Variants in MAML3 observed in about 807,000 individuals in gnomAD.
MAML3 encodes the protein mastermind like transcriptional coactivator 3, also known as mastermind-like protein 3.
MAML3 carries 27 observed loss-of-function variants against 101.9 expected under a neutral mutation model. The observed-to-expected ratio is 0.27, with a 90% CI of 0.20 to 0.37. MAML3 has a LOEUF of 0.37. MAML3 is among the 10% of genes least tolerant of loss of function. MAML3 has a pLI of 1.00. For synonymous variants in MAML3, 501 were observed against 555.9 expected (o/e 0.90, Z 1.39); for missense variants, 1,316 against 1,444.9 (o/e 0.91, Z 1.45).
At chr4:140,008,041 CT>C (rs1726486205) in intron 1 of MAML3, among the ~76,000 whole-genome samples, 1 of 152,214 alleles carries the variant, frequency 6.6e-6, no homozygotes. Flanking sequence ...TTACCCTAGG[CT>C]AGTCCCAGAG....
intron 2 of MAML3, among the ~76,000 whole-genome samples, chr4:139,741,553 A>G (rs1729165535): frequency 6.6e-6 from 1 of 152,060 alleles, no homozygotes; most frequent in Non-Finnish European, 1.5e-5. Context: ...GTTCAGGACC[A>G]GCCTGGGCAA....
chr4:139,997,327 T>A (rs1734836785), intron 1 of MAML3, among the ~76,000 whole-genome samples: 1 of 151,902 alleles, frequency 6.6e-6, no homozygotes, highest in Admixed American at 6.6e-5. Context: ...ATTTTTGAGT[T>A]ATTTTCTTCA....
At chr4:139,884,785 T>C (rs762056413) in intron 2 of MAML3, among the ~76,000 whole-genome samples, 38 of 152,254 alleles carry the variant, frequency 2.5e-4, no homozygotes, top group Non-Finnish European at 5.3e-4. Flanking sequence ...TAATGCTTTC[T>C]CCATTGGAGC....
intron 1 of MAML3, among the ~76,000 whole-genome samples, chr4:140,064,639 T>A (rs145397449): frequency 2.6e-4 from 40 of 152,182 alleles, no homozygotes; most frequent in Non-Finnish European, 5.3e-4. Flanking sequence ...AAAACTTGAG[T>A]CCCTTTTGAC....
At chr4:139,887,087 T>C (rs1290806525) in intron 2 of MAML3, among the ~76,000 whole-genome samples, 1 of 152,238 alleles carries the variant, frequency 6.6e-6, no homozygotes, top group African/African-American at 2.4e-5. Context: ...TGTATAATTA[T>C]ATTTTATATC....
intron 1 of MAML3, among the ~76,000 whole-genome samples, chr4:140,007,342 C>T (rs1440318225): frequency 6.6e-6 from 1 of 152,172 alleles, no homozygotes; most frequent in Non-Finnish European, 1.5e-5. Flanking sequence ...CAAAACAAAA[C>T]ACTGGGCTGG....
intron 2 of MAML3, among the ~76,000 whole-genome samples, chr4:139,747,296 G>A (rs1216311699): frequency 6.6e-6 from 1 of 152,200 alleles, no homozygotes; most frequent in African/African-American, 2.4e-5. Flanking sequence ...AGTGCAGAGC[G>A]CGGGCAACTT....
chr4:139,902,017 T>G (rs9884961), intron 1 of MAML3, among the ~76,000 whole-genome samples: 127,703 of 152,124 alleles, frequency 0.84, 54,121 homozygotes, highest in South Asian at 0.92. Flanking sequence ...TAAAATCCCA[T>G]CACATGTTTA....
intron 1 of MAML3, among the ~76,000 whole-genome samples, chr4:140,086,144 G>GTACATA (rs1727947386): frequency 1.3e-5 from 2 of 152,156 alleles, no homozygotes; most frequent in Admixed American, 1.3e-4. Context: ...GGATCTCTCT[G>GTACATA]TACATATACA....
At chr4:140,035,811 A>G (rs988692513) in intron 1 of MAML3, among the ~76,000 whole-genome samples, 11 of 152,064 alleles carry the variant, frequency 7.2e-5, no homozygotes, top group Non-Finnish European at 1.5e-5. Flanking sequence ...AAAAACAAAA[A>G]ACTAACATTA....
rs1182121335 is a variant in MAML3, at chr4:140,056,396, C to T, written c.468+96464G>A. 2.0e-5 allele frequency among the ~76,000 whole-genome samples: 3 copies of T among 149,792 alleles called. No homozygotes were observed. The South Asian group carries it at 6.3e-4, about 32-fold the overall frequency. On this transcript the variant is annotated intron_variant, in intron 1 of 4. Coordinates refer to ENST00000509479, the MANE Select transcript of MAML3 (RefSeq NM_018717.5). ...TTTAAAGACAGAGTCTTGCTCTTGT[C>T]GCCCAGGCTGGAGTGCAATGGCGCG...
intron 2 of MAML3, among the ~76,000 whole-genome samples, chr4:139,789,710 CAGAG>C (rs1730368333): frequency 6.6e-6 from 1 of 152,026 alleles, no homozygotes; most frequent in African/African-American, 2.4e-5. Context: ...TGTCTTGGAA[CAGAG>C]AGAGAAAGTA....
intron 1 of MAML3, among the ~76,000 whole-genome samples, chr4:139,942,171 AAGGC>A (rs561148147): frequency 0.02 from 1,544 of 76,834 alleles, 14 homozygotes; most frequent in Middle Eastern, 0.056. Flanking sequence ...GGAGGGAGGG[AAGGC>A]AGGCAGGCAG....
intron 2 of MAML3, among the ~76,000 whole-genome samples, chr4:139,840,869 C>T (rs1731349002): frequency 6.6e-6 from 1 of 152,196 alleles, no homozygotes; most frequent in Admixed American, 6.5e-5. Context: ...GTGCATTGTC[C>T]TGCACATAGT....
At position 140,059,384 on chromosome 4, in the gene MAML3, T is replaced by G. The variant is rs1727405531; in HGVS notation, c.468+93476A>C. Among the ~76,000 whole-genome samples the G allele has an allele frequency of 2.0e-5, 3 of 152,186 alleles. No homozygotes were observed. In the South Asian group the frequency reaches 6.2e-4, roughly 31 times the overall value. ...TGTTCCTTTCCCTGAAGGAAATCACTTCTCTTTACTGTACACAGACTTATG... is the reference window on the plus strand; with the variant it reads ...TGTTCCTTTCCCTGAAGGAAATCACGTCTCTTTACTGTACACAGACTTATG... On this transcript the variant is annotated intron_variant, in intron 1 of 4. Coordinates refer to ENST00000509479, the MANE Select transcript of MAML3 (RefSeq NM_018717.5).
chr4:139,828,708 ACTT>A (rs1425373614), intron 2 of MAML3, among the ~76,000 whole-genome samples: 5 of 141,924 alleles, frequency 3.5e-5, no homozygotes, highest in Admixed American at 7.5e-5. Flanking sequence ...CAGAAGATGC[ACTT>A]CTTTTTTTTT....
intron 1 of MAML3, among the ~76,000 whole-genome samples, chr4:140,057,167 T>A (rs906892985): frequency 6.6e-6 from 1 of 152,184 alleles, no homozygotes; most frequent in African/African-American, 2.4e-5. Flanking sequence ...TCCCAGCTAT[T>A]TGGGCGGTTA....
chr4:139,773,803 G>A (rs1297614369), intron 2 of MAML3, among the ~76,000 whole-genome samples: 1 of 152,190 alleles, frequency 6.6e-6, no homozygotes, highest in Non-Finnish European at 1.5e-5. Flanking sequence ...TTCATGTTGT[G>A]TGGACTGTAC....
At chr4:139,869,140 GC>G (rs1306668720) in intron 2 of MAML3, among the ~76,000 whole-genome samples, 1 of 152,306 alleles carries the variant, frequency 6.6e-6, no homozygotes, top group East Asian at 1.9e-4. Context: ...AGATTGACAA[GC>G]CTGATTGGTA....
Sources: allele counts gnomAD v4.1 joint callset (sites outside exome capture counted in the v4.1 genomes callset), GRCh38; gene constraint gnomAD v4.1.1; transcripts MANE v1.5; gene names NCBI Gene and HGNC (gene_info 2026-07-23, HGNC 2026-07-21).